The following DMD variants were observed in gnomAD, a reference collection of about 807,000 sequenced individuals.
DMD encodes mutant dystrophin.
In DMD, 63 loss-of-function variants were observed where a neutral mutation model predicts 330.1. The observed-to-expected ratio is 0.19, with a 90% CI of 0.16 to 0.24. The LOEUF (loss-of-function observed/expected upper bound fraction) is 0.24. DMD is among the 10% of genes least tolerant of loss of function. The pLI, the probability that DMD is intolerant of heterozygous loss-of-function variation, is 1.00. For missense variants in DMD, 3,344 were observed against 2,684.1 expected (o/e 1.25, Z -5.43); for synonymous variants, 1,223 against 959.8 (o/e 1.27, Z -5.07).
chrX:32,573,762 G>A lies in DMD; in HGVS notation c.1687C>T (p.Arg563Cys), dbSNP rs145739725. ...TGACACACCTGTTCTTCAGTAAGAC[G>A]TTGCCATTTGAGAAGGATGTCTTGT... ...LLQDILLKWQ[R>C]LTEEQCLFSA... is the part of the protein sequence containing the mutation. The change falls in exon 14 of 79, where the codon CGT becomes TGT. Residue 563 changes from arginine to cysteine, a missense_variant. Arg to Cys is a radical substitution (Grantham distance 180). Coordinates refer to ENST00000357033, the MANE Select transcript of DMD (RefSeq NM_004006.3). 8.1e-5 allele frequency: 98 copies of A among 1,209,239 alleles called. No individual in the cohort carries two copies. Among genetic ancestry groups the A allele is most frequent in the African/African-American group, 1.1e-4 (6 of 57,132 alleles).
chrX:32,092,194 A>G (rs955766983), intron 44 of DMD, among the ~76,000 whole-genome samples: 7 of 111,691 alleles, frequency 6.3e-5, no homozygotes, highest in Non-Finnish European at 1.3e-4. Context: ...GCCTCAATCT[A>G]GAAGAGGCAT....
intron 2 of DMD, among the ~76,000 whole-genome samples, chrX:32,935,230 G>A (rs1281536902): frequency 8.9e-6 from 1 of 112,555 alleles, no homozygotes; most frequent in African/African-American, 3.2e-5. Context: ...CGCCCATCTC[G>A]GCCTCCCAAA....
intron 60 of DMD, among the ~76,000 whole-genome samples, chrX:31,378,489 A>G (rs72625580): frequency 0.18 from 19,922 of 110,757 alleles, 2,389 homozygotes; most frequent in African/African-American, 0.43. Context: ...AAACTCCGGC[A>G]CCGGTCACGG....
intron 62 of DMD, chrX:31,266,983 G>C (rs2051213539): frequency 1.1e-6 from 1 of 917,453 alleles, no homozygotes; most frequent in Non-Finnish European, 1.5e-6. Flanking sequence ...GGGCCGGGGA[G>C]GGGGCGCTGC....
intron 63 of DMD, among the ~76,000 whole-genome samples, chrX:31,254,847 C>T (rs1258627613): frequency 9.1e-6 from 1 of 109,793 alleles, no homozygotes; most frequent in Non-Finnish European, 1.9e-5. Flanking sequence ...TGAGACCAGG[C>T]TGGGCAACAT....
intron 59 of DMD, among the ~76,000 whole-genome samples, chrX:31,470,825 C>G (rs766564699): frequency 5.3e-4 from 59 of 112,349 alleles, no homozygotes; most frequent in Admixed American, 1.7e-3. Context: ...GGGCTGCTGC[C>G]TTTCTTTCAG....
At chrX:32,394,373 G>A (rs2098025480) in intron 30 of DMD, among the ~76,000 whole-genome samples, 1 of 111,672 alleles carries the variant, frequency 9.0e-6, no homozygotes, top group Admixed American at 9.5e-5. Context: ...TGCCACCTTG[G>A]GCAAAGCATC....
intron 47 of DMD, among the ~76,000 whole-genome samples, chrX:31,906,099 G>C (rs767029114): frequency 1.8e-5 from 2 of 111,250 alleles, no homozygotes; most frequent in South Asian, 7.7e-4. Flanking sequence ...CCCTCATGCT[G>C]TTCTTGTGAC....
chrX:31,348,680 G>A, intron 60 of DMD, 46 bp from the exon 61 acceptor site: 1 of 1,064,847 alleles, frequency 9.4e-7, no homozygotes, highest in Non-Finnish European at 1.3e-6. Flanking sequence ...TCTATATAAT[G>A]AGGAACAATT....
intron 44 of DMD, among the ~76,000 whole-genome samples, chrX:32,022,970 T>A (rs2147161482): frequency 9.1e-6 from 1 of 109,579 alleles, no homozygotes; most frequent in Admixed American, 9.7e-5. Flanking sequence ...GTAGCTGAGA[T>A]TACAGGTGCG....
At chrX:31,222,392 C>CAAAAAA (rs57227723) in intron 64 of DMD, among the ~76,000 whole-genome samples, 12 of 20,579 alleles carry the variant, frequency 5.8e-4, no homozygotes, top group South Asian at 8.7e-3. Flanking sequence ...GACTCCATCT[C>CAAAAAA]AAAAAAAAAA....
At chrX:33,235,027 T>C (rs114073180) in intron 1 of DMD, among the ~76,000 whole-genome samples, 3,987 of 111,765 alleles carry the variant, frequency 0.036, 179 homozygotes, top group African/African-American at 0.12. Flanking sequence ...CTACTCACCC[T>C]TATAGTCCCC....
intron 44 of DMD, among the ~76,000 whole-genome samples, chrX:32,143,269 T>C (rs1336754735): frequency 2.7e-5 from 3 of 111,641 alleles, no homozygotes; most frequent in African/African-American, 9.8e-5. Flanking sequence ...CTTTACCTAG[T>C]TACACAACTT....
At chrX:33,238,588 T>A in intron 1 of DMD, among the ~76,000 whole-genome samples, 1 of 111,525 alleles carries the variant, frequency 9.0e-6, no homozygotes. Flanking sequence ...ATGATAATTG[T>A]GGGGCATTTT....
intron 1 of DMD, among the ~76,000 whole-genome samples, chrX:33,190,887 A>T (rs866551058): frequency 1.7e-3 from 1 of 574 alleles, no homozygotes; most frequent in Non-Finnish European, 4.0e-3. Flanking sequence ...ATAATATATA[A>T]TATTATATAT....
At chrX:33,270,996 C>T (rs773739148) in intron 1 of DMD, among the ~76,000 whole-genome samples, 11 of 111,280 alleles carry the variant, frequency 9.9e-5, no homozygotes, top group Admixed American at 6.7e-4. Context: ...CTATTTATAA[C>T]CCTGATATTC....
Position 31,235,846 on chromosome X carries a change from C to T in DMD, c.9287-12725G>A, listed in dbSNP as rs142462851. 9.3e-3 allele frequency among the ~76,000 whole-genome samples: 1,042 copies of T among 111,986 alleles called. 14 individuals are homozygous for T. Among genetic ancestry groups the T allele is most frequent in the African/African-American group, 0.03 (935 of 30,799 alleles). On this transcript the variant is annotated intron_variant, in intron 63 of 78. Coordinates refer to ENST00000357033, the MANE Select transcript of DMD (RefSeq NM_004006.3). ...CAAAGAGAGAAAGAAAATAAATGGT[C>T]TAAAAAGAATGCTTATTTGCAAGGT...
chrX:32,268,302 A>G (rs1005014344), intron 43 of DMD, among the ~76,000 whole-genome samples: 1 of 111,826 alleles, frequency 8.9e-6, no homozygotes, highest in African/African-American at 3.3e-5. Context: ...AAAAGTAGCT[A>G]CAACCACATG....
At chrX:31,370,245 T>C (rs1173373019) in intron 60 of DMD, among the ~76,000 whole-genome samples, 2 of 111,450 alleles carry the variant, frequency 1.8e-5, no homozygotes, top group East Asian at 5.5e-4. Context: ...TTTCATCCCC[T>C]GTTAAGAAGA....
Sources: allele counts gnomAD v4.1 joint callset (sites outside exome capture counted in the v4.1 genomes callset), GRCh38; gene constraint gnomAD v4.1.1; transcripts MANE v1.5; gene names NCBI Gene and HGNC (gene_info 2026-07-23, HGNC 2026-07-21).